The following ASB4 variants were observed in gnomAD, a reference collection of about 807,000 sequenced individuals.
ASB4 encodes the protein ankyrin repeat and SOCS box protein 4.
In ASB4, 35 loss-of-function variants were observed where a neutral mutation model predicts 38.6. The ratio of observed to expected loss-of-function variants is 0.91; its 90% CI spans 0.69 to 1.20. The LOEUF is 1.20. Among genes scored for constraint, ASB4 ranks in the 50% most tolerant of loss-of-function variants. The pLI, the probability that ASB4 is intolerant of heterozygous loss-of-function variation, is 0.00. For synonymous variants in ASB4, 195 were observed against 201.3 expected (o/e 0.97, Z 0.26); for missense variants, 557 against 527.2 (o/e 1.06, Z -0.55).
chr7:95,529,526 G>A (rs1394272971), intron 3 of ASB4, among the ~76,000 whole-genome samples: 1 of 152,188 alleles, frequency 6.6e-6, no homozygotes, highest in African/African-American at 2.4e-5. Flanking sequence ...ATTCCAGATG[G>A]ACAAACCAGA....
At chr7:95,544,043 T>C (rs374502299), downstream of ASB4, 6 of 151,926 alleles carry the variant, frequency 3.9e-5, no homozygotes, top group East Asian at 1.9e-4. Flanking sequence ...TCTGAAAAAA[T>C]ATGTAAAAAT....
chr7:95,535,551 G>C (rs1202756007), intron 3 of ASB4, among the ~76,000 whole-genome samples: 1 of 152,136 alleles, frequency 6.6e-6, no homozygotes, highest in Admixed American at 6.5e-5. Context: ...GATTAAACTG[G>C]GAGTCAGGAA....
At chr7:95,549,290 T>A in the ASB4 span, among the ~76,000 whole-genome samples, 3 of 151,706 alleles carry the variant, frequency 2.0e-5, no homozygotes, top group South Asian at 6.3e-4. Context: ...GAAAGTTCCA[T>A]AGGAGACTCC....
chr7:95,496,918 C>T (rs921455703), intron 2 of ASB4, among the ~76,000 whole-genome samples: 14 of 151,792 alleles, frequency 9.2e-5, no homozygotes, highest in African/African-American at 3.4e-4. Context: ...AAAAGAACGC[C>T]GAGAGGAAGA....
the ASB4 span, among the ~76,000 whole-genome samples, chr7:95,546,450 T>G: frequency 6.6e-6 from 1 of 152,360 alleles, no homozygotes; most frequent in East Asian, 1.9e-4. Context: ...GGAGCAAGGT[T>G]GACTCATTGA....
intron 2 of ASB4, among the ~76,000 whole-genome samples, chr7:95,516,580 G>C (rs1225515337): frequency 6.6e-6 from 1 of 152,170 alleles, no homozygotes; most frequent in Non-Finnish European, 1.5e-5. Flanking sequence ...AAAAAGATTT[G>C]CTTCAGGAGA....
At position 95,539,410 on chromosome 7, in the gene ASB4, C is replaced by T. The variant is rs963538271; in HGVS notation, c.*1651C>T. 1.4e-4 allele frequency: 22 copies of T among 152,186 alleles called. No homozygotes were observed. The highest frequency in any genetic ancestry group is 5.3e-4 in the African/African-American group (22 of 41,434). The allele number at this position is 152,186 out of a possible 1,614,324, so 9.4% of individuals were successfully genotyped here. The stretch of plus-strand genomic sequence containing the variant: ...TAATCTCTTTTAAGTATCAGTTTTA[C>T]TCAGATATTTTGGTGGAGATATTTT... On this transcript the variant is annotated 3_prime_UTR_variant, in exon 5 of 5. Transcript: ENST00000325885.
At chr7:95,485,339 T>G (rs1230352017), upstream of ASB4, among the ~76,000 whole-genome samples, 2 of 152,208 alleles carry the variant, frequency 1.3e-5, no homozygotes, top group Non-Finnish European at 2.9e-5. Context: ...TCTCTTCAGT[T>G]TCTTTTTTAC....
At chr7:95,547,496 G>A in the ASB4 span, among the ~76,000 whole-genome samples, 7 of 152,102 alleles carry the variant, frequency 4.6e-5, no homozygotes, top group Admixed American at 6.5e-5. Flanking sequence ...TTGCTTAATC[G>A]TGTTCCATCC....
At chr7:95,512,480 C>CTGTT (rs1790496726) in intron 2 of ASB4, among the ~76,000 whole-genome samples, 1 of 152,114 alleles carries the variant, frequency 6.6e-6, no homozygotes, top group South Asian at 2.1e-4. Flanking sequence ...GATGCTGGAG[C>CTGTT]TGTTAATAGG....
chr7:95,476,817 A>G (rs1388425171), upstream of ASB4, among the ~76,000 whole-genome samples: 1 of 152,224 alleles, frequency 6.6e-6, no homozygotes, highest in African/African-American at 2.4e-5. Context: ...ATGGTATGAA[A>G]CATTTTTAGC....
At chr7:95,503,486 A>T (rs1382509558) in intron 2 of ASB4, among the ~76,000 whole-genome samples, 2 of 152,188 alleles carry the variant, frequency 1.3e-5, no homozygotes, top group African/African-American at 4.8e-5. Context: ...GAGTGCATGG[A>T]TGGGGACCCA....
intron 2 of ASB4, among the ~76,000 whole-genome samples, chr7:95,525,794 A>G (rs1255114326): frequency 6.6e-6 from 1 of 152,218 alleles, no homozygotes; most frequent in South Asian, 2.1e-4. Flanking sequence ...CAGAATACTG[A>G]TAAACACAGA....
chr7:95,531,901 A>G (rs1189949249), intron 3 of ASB4, among the ~76,000 whole-genome samples: 1 of 152,030 alleles, frequency 6.6e-6, no homozygotes. Context: ...CATGGTTAGC[A>G]TTTTCTTATT....
intron 3 of ASB4, among the ~76,000 whole-genome samples, chr7:95,534,891 T>C (rs764490291): frequency 1.1e-4 from 17 of 152,184 alleles, no homozygotes; most frequent in Admixed American, 1.3e-4. Flanking sequence ...GTTAAGAGTG[T>C]ATAATAGCCT....
intron 2 of ASB4, among the ~76,000 whole-genome samples, chr7:95,513,430 A>G (rs1302618303): frequency 6.6e-6 from 1 of 151,124 alleles, no homozygotes; most frequent in African/African-American, 2.4e-5. Flanking sequence ...TAGGCTGGAG[A>G]CCTAGGGAAT....
At chr7:95,494,879 T>C (rs1181793115) in intron 1 of ASB4, among the ~76,000 whole-genome samples, 1 of 152,136 alleles carries the variant, frequency 6.6e-6, no homozygotes, top group Admixed American at 6.5e-5. Flanking sequence ...TGGGAAAAAT[T>C]ATTGAAGATC....
intron 3 of ASB4, among the ~76,000 whole-genome samples, chr7:95,532,830 T>C (rs1790837730): frequency 6.6e-6 from 1 of 152,166 alleles, no homozygotes; most frequent in South Asian, 2.1e-4. Context: ...TGTCTAATTG[T>C]TCCTCCATGA....
intron 2 of ASB4, among the ~76,000 whole-genome samples, chr7:95,507,721 C>T (rs574697641): frequency 2.6e-5 from 4 of 152,192 alleles, no homozygotes; most frequent in African/African-American, 7.2e-5. Context: ...TGCAGTTGAA[C>T]CAGAGCAATT....
Sources: gnomAD v4.1 joint callset for allele counts (sites outside exome capture counted in the v4.1 genomes callset) on GRCh38, gnomAD v4.1.1 for gene constraint, MANE v1.5 for transcripts, NCBI Gene and HGNC (gene_info 2026-07-23, HGNC 2026-07-21) for gene names.